The following MCUB variants were observed in gnomAD, a reference collection of about 807,000 sequenced individuals.
The protein encoded by MCUB is mitochondrial calcium uniporter dominant negative subunit beta, also known as calcium uniporter regulatory subunit MCUb, mitochondrial.
In MCUB, 46 loss-of-function variants were observed where a neutral mutation model predicts 41.4. The ratio of observed to expected loss-of-function variants is 1.11; its 90% CI spans 0.88 to 1.42. MCUB has a LOEUF of 1.42. Among genes scored for constraint, MCUB ranks in the 40% most tolerant of loss-of-function variants. MCUB has a pLI of 0.00. For synonymous variants in MCUB, 148 were observed against 148.2 expected (o/e 1.00, Z 0.01); for missense variants, 403 against 404.9 (o/e 1.00, Z 0.04).
At chr4:109,675,278 A>G (rs1271180144) in intron 4 of MCUB, among the ~76,000 whole-genome samples, 1 of 152,210 alleles carries the variant, frequency 6.6e-6, no homozygotes, top group Non-Finnish European at 1.5e-5. Flanking sequence ...ATTTCGTGCC[A>G]CTTGACAAAG....
At chr4:109,642,643 G>A (rs1027548361) in intron 1 of MCUB, among the ~76,000 whole-genome samples, 44 of 152,014 alleles carry the variant, frequency 2.9e-4, no homozygotes, top group Non-Finnish European at 5.3e-4. Flanking sequence ...TTTGAATCAG[G>A]CTGCTGCATC....
chr4:109,648,814 AC>A (rs1728896500), intron 1 of MCUB, among the ~76,000 whole-genome samples: 1 of 151,230 alleles, frequency 6.6e-6, no homozygotes, highest in African/African-American at 2.4e-5. Context: ...GAACTAATGA[AC>A]CCAAAGACAA....
intron 4 of MCUB, chr4:109,674,147 G>A (rs996036511): frequency 7.5e-6 from 9 of 1,198,670 alleles, no homozygotes; most frequent in Non-Finnish European, 1.1e-5. Context: ...TGCCTTGTTG[G>A]AGGAGCTTGC....
intron 1 of MCUB, among the ~76,000 whole-genome samples, chr4:109,594,584 G>A (rs1284695634): frequency 2.0e-5 from 3 of 152,132 alleles, no homozygotes; most frequent in Non-Finnish European, 4.4e-5. Flanking sequence ...ACTTGAACCC[G>A]GGAGGCGGAG....
intron 5 of MCUB, 28 bp from the exon 6 acceptor site, chr4:109,684,415 G>C: frequency 6.4e-7 from 1 of 1,565,506 alleles, no homozygotes; most frequent in East Asian, 2.2e-5. Flanking sequence ...TTTGTAAACA[G>C]AATTAACAGT....
intron 1 of MCUB, among the ~76,000 whole-genome samples, chr4:109,618,418 T>C (rs562132476): frequency 6.6e-6 from 1 of 152,328 alleles, no homozygotes; most frequent in African/African-American, 2.4e-5. Context: ...TTAGCTCTTT[T>C]TCCTTCCTGT....
Position 109,684,583 on chromosome 4 carries a change from T to C in MCUB, c.753T>C (p.Val251=). 6.2e-7 allele frequency: 1 copy of C among 1,605,250 alleles called. No homozygotes were observed. Residue 251 remains valine (V), a synonymous_variant, in exon 6 of 8, where the codon GTT becomes GTC. Transcript: ENST00000394650. ...ACTCCTGGGATATCATGGAGCCAGT[T>C]ACATACTTCATCACATTTGCAAATT... ...WVYSWDIMEP[V]TYFITFANSM... is the part of the protein sequence containing the mutation.
intron 1 of MCUB, among the ~76,000 whole-genome samples, chr4:109,615,830 CTT>C (rs1728115215): frequency 6.6e-6 from 1 of 152,192 alleles, no homozygotes. Context: ...AAGATTGTCT[CTT>C]TTCTTCCAAG....
At chr4:109,626,480 A>G (rs1307417516) in intron 1 of MCUB, among the ~76,000 whole-genome samples, 2 of 152,166 alleles carry the variant, frequency 1.3e-5, no homozygotes, top group African/African-American at 2.4e-5. Flanking sequence ...CAGACTCATG[A>G]AAAGTCCATT....
rs1272180607 is a variant in MCUB, at chr4:109,625,139, C to CA, written c.100-33866dup. Among the ~76,000 whole-genome samples, 6 of 151,974 alleles carry CA rather than the reference C, an allele frequency of 3.9e-5. No homozygotes were observed. In the South Asian group the frequency reaches 1.0e-3, roughly 26 times the overall value. Reference sequence around the variant, plus strand: ...TGGGTGAAAGAGCAAGACTCTGTCTCAAAAAACAAAAAATTTAAAATTTAA... The same window carrying CA: ...TGGGTGAAAGAGCAAGACTCTGTCTCAAAAAAACAAAAAATTTAAAATTTAA... On this transcript the variant is annotated intron_variant, in intron 1 of 7. Coordinates refer to ENST00000394650, the MANE Select transcript of MCUB (RefSeq NM_017918.5).
At position 109,630,730 on chromosome 4, in the gene MCUB, C is replaced by T. The variant is rs189464527; in HGVS notation, c.100-28281C>T. On this transcript the variant is annotated intron_variant, in intron 1 of 7. Coordinates refer to ENST00000394650, the MANE Select transcript of MCUB (RefSeq NM_017918.5). ...CCGAGTAGCTGGGATTACAGGCATG[C>T]ACCACCACGCCCAGCTAATTTTGTA... Among the ~76,000 whole-genome samples, 75 of 152,144 alleles carry T rather than the reference C, an allele frequency of 4.9e-4. 1 individual carries two copies. The East Asian group carries it at 0.014, about 29-fold the overall frequency.
chr4:109,589,655 G>A (rs1727385029), intron 1 of MCUB, among the ~76,000 whole-genome samples: 1 of 152,170 alleles, frequency 6.6e-6, no homozygotes, highest in African/African-American at 2.4e-5. Context: ...TTTAATGGCA[G>A]CTTACTGAAA....
At chr4:109,580,031 C>T (rs1432135535) in intron 1 of MCUB, among the ~76,000 whole-genome samples, 3 of 152,026 alleles carry the variant, frequency 2.0e-5, no homozygotes, top group Admixed American at 6.6e-5. Flanking sequence ...CCTCCCCTTG[C>T]CCCCCACCCC....
chr4:109,608,627 C>T (rs1727932458), intron 1 of MCUB, among the ~76,000 whole-genome samples: 1 of 152,038 alleles, frequency 6.6e-6, no homozygotes, highest in Non-Finnish European at 1.5e-5. Context: ...GCTGGGACTA[C>T]AGGCATGCAC....
At chr4:109,647,131 T>C (rs936348058) in intron 1 of MCUB, among the ~76,000 whole-genome samples, 2 of 152,190 alleles carry the variant, frequency 1.3e-5, no homozygotes, top group Non-Finnish European at 2.9e-5. Flanking sequence ...TCTGGTGTTA[T>C]CAATATTTTG....
At chr4:109,634,162 A>T (rs191492076) in intron 1 of MCUB, among the ~76,000 whole-genome samples, 4 of 152,220 alleles carry the variant, frequency 2.6e-5, no homozygotes, top group Admixed American at 2.6e-4. Context: ...CCAGACAAAA[A>T]ACAGAATGCT....
chr4:109,682,324 C>CT (rs11411542), intron 4 of MCUB, among the ~76,000 whole-genome samples: 88,574 of 147,232 alleles, frequency 0.6, 26,517 homozygotes, highest in South Asian at 0.68. Context: ...TTTTTGGTGA[C>CT]TTTTTTTTTT....
At chr4:109,632,157 G>C (rs747349897) in intron 1 of MCUB, among the ~76,000 whole-genome samples, 3 of 152,064 alleles carry the variant, frequency 2.0e-5, no homozygotes, top group Admixed American at 1.3e-4. Context: ...TTACAGCAGA[G>C]GTCAGTGTAC....
chr4:109,568,923 C>G (rs1243030081), intron 1 of MCUB, among the ~76,000 whole-genome samples: 1 of 152,208 alleles, frequency 6.6e-6, no homozygotes, highest in Admixed American at 6.5e-5. Context: ...ATTTCCTCTT[C>G]TCCACTTAAT....
Sources: allele counts gnomAD v4.1 joint callset (sites outside exome capture counted in the v4.1 genomes callset), GRCh38; gene constraint gnomAD v4.1.1; transcripts MANE v1.5; gene names NCBI Gene and HGNC (gene_info 2026-07-23, HGNC 2026-07-21).